JARID2: variants seen among roughly 807,000 people sequenced by gnomAD.
JARID2 encodes the protein jumonji and AT-rich interaction domain containing 2.
In JARID2, 21 loss-of-function variants were observed where a neutral mutation model predicts 125.6. That is an observed-to-expected ratio of 0.17 (90% CI 0.12 to 0.24). JARID2 has a LOEUF of 0.24. Among genes scored for constraint, JARID2 ranks in the 10% least tolerant of loss-of-function variants. The pLI, the probability that JARID2 is intolerant of heterozygous loss-of-function variation, is 1.00. For synonymous variants in JARID2, 736 were observed against 661.6 expected (o/e 1.11, Z -1.73); for missense variants, 1,303 against 1,639.6 (o/e 0.79, Z 3.55).
chr6:15,500,857 T>A, intron 7 of JARID2, 50 bp from the exon 8 acceptor site: 1 of 1,502,502 alleles, frequency 6.7e-7, no homozygotes, highest in African/African-American at 1.4e-5. Flanking sequence ...AACATCTTGT[T>A]CGTGTCTCTT....
chr6:15,386,375 CTTG>C (rs1016232533), intron 2 of JARID2, among the ~76,000 whole-genome samples: 2 of 151,976 alleles, frequency 1.3e-5, no homozygotes, highest in East Asian at 1.9e-4. Flanking sequence ...TCCAGTATGT[CTTG>C]TTGTGACAAG....
In JARID2 at chr6:15,511,413, C is replaced by T. The variant is rs745773043; in HGVS notation, c.2952+12C>T. 3.8e-6 allele frequency: 6 copies of T among 1,575,816 alleles called. No individual in the cohort carries two copies. Among genetic ancestry groups the T allele is most frequent in the Non-Finnish European group, 5.2e-6 (6 of 1,147,128 alleles). On this transcript the variant is annotated intron_variant, in intron 13 of 17. Transcript: ENST00000341776. The stretch of plus-strand genomic sequence containing the variant: ...AAAGCAACGTCATGGTGCGTCCACT[C>T]AGCCACCGCCTCCAGCAGGAGCTGT...
chr6:15,288,705 A>G (rs1761093981), intron 1 of JARID2, among the ~76,000 whole-genome samples: 1 of 152,230 alleles, frequency 6.6e-6, no homozygotes, highest in Non-Finnish European at 1.5e-5. Context: ...TTCAGGCCTC[A>G]GCTTGATCCT....
At chr6:15,400,001 T>C (rs1379428681) in intron 2 of JARID2, among the ~76,000 whole-genome samples, 1 of 152,240 alleles carries the variant, frequency 6.6e-6, no homozygotes, top group South Asian at 2.1e-4. Context: ...AAAGGAGATG[T>C]GTACTCCAGT....
rs1327374697 is a variant in JARID2 at position 15,496,792 on chromosome 6, G to A, written c.1567G>A (p.Glu523Lys). ...TGGCAAGGCGGACAGCGCCTCCTGT[G>A]AAAATCGTTCTACCTCGCAACCGGA... ...AHGKADSASC[E>K]NRSTSQPESV... The change falls in exon 7 of 18, where the codon GAA becomes AAA. Residue 523 changes from glutamate to lysine, a missense_variant. Around this residue, in one of 11 missense-constraint regions of JARID2, gnomAD observed 651 missense variants for 581.6 expected, o/e 1.12. Transcript: ENST00000341776. The A allele has an allele frequency of 1.2e-6, 2 of 1,611,086 alleles. No homozygotes were observed. The highest frequency in any genetic ancestry group is 1.7e-6 in the Non-Finnish European group (2 of 1,178,552).
In JARID2 at chr6:15,520,892, C is replaced by T; in HGVS notation, c.*641C>T. On this transcript the variant is annotated 3_prime_UTR_variant, in exon 18 of 18. Transcript: ENST00000341776. ...GCGAGTGGGCTCTCCACCAGCACAT[C>T]ACTATGCATCTGTTCCAGGAAAGAA... The T allele has an allele frequency of 2.2e-6, 1 of 453,156 alleles. No individual in the cohort carries two copies. The highest frequency in any genetic ancestry group is 4.4e-6 in the Non-Finnish European group (1 of 224,962). 28.1% of individuals were successfully genotyped at this position (453,156 alleles called of 1,614,324 possible). A position where few individuals can be genotyped will look rare whatever the true frequency, so the allele number is the denominator to read the frequency against.
rs541468003 is a variant in JARID2, at chr6:15,374,591, G to A, written c.181+339G>A. ...TGTGGAGTCTTTAGTTCTTGTCCCCGGGTTGTATAGGAAATAGCCTAAATC... is the reference window on the plus strand; with the variant it reads ...TGTGGAGTCTTTAGTTCTTGTCCCCAGGTTGTATAGGAAATAGCCTAAATC... On this transcript the variant is annotated intron_variant, in intron 2 of 17. Transcript: ENST00000341776. Among the ~76,000 whole-genome samples the A allele has an allele frequency of 2.6e-5, 4 of 152,248 alleles. No homozygotes were observed. The East Asian group carries it at 5.8e-4, about 22-fold the overall frequency.
chr6:15,351,524 C>T (rs1763427899), intron 1 of JARID2, among the ~76,000 whole-genome samples: 1 of 152,170 alleles, frequency 6.6e-6, no homozygotes, highest in Admixed American at 6.6e-5. Context: ...GTCCCACTTT[C>T]CTCATGTAAA....
intron 5 of JARID2, among the ~76,000 whole-genome samples, chr6:15,484,165 G>A (rs73724417): frequency 4.6e-5 from 7 of 150,608 alleles, no homozygotes; most frequent in African/African-American, 1.5e-4. Flanking sequence ...CTGACCATAC[G>A]TCGCTAGTGG....
intron 1 of JARID2, 117 bp downstream of exon 1, chr6:15,246,701 G>A: frequency 2.1e-6 from 2 of 933,502 alleles, no homozygotes; most frequent in South Asian, 3.0e-5. Context: ...CGATAAGGCT[G>A]TTTCTTTTTT....
chr6:15,310,949 G>T (rs879011949), intron 1 of JARID2, among the ~76,000 whole-genome samples: 2 of 152,134 alleles, frequency 1.3e-5, no homozygotes, highest in African/African-American at 4.8e-5. Context: ...TCTCACGGCT[G>T]CCTGCCCAGT....
chr6:15,276,428 CAT>C (rs890633688), intron 1 of JARID2, among the ~76,000 whole-genome samples: 3 of 152,180 alleles, frequency 2.0e-5, no homozygotes, highest in African/African-American at 7.2e-5. Flanking sequence ...ATAACTGTCT[CAT>C]ATGATTTGGC....
At chr6:15,292,163 CCCGCCACCTCG>C (rs1761242487) in intron 1 of JARID2, among the ~76,000 whole-genome samples, 1 of 151,892 alleles carries the variant, frequency 6.6e-6, no homozygotes, top group African/African-American at 2.4e-5. Context: ...ACCACAGACG[CCCGCCACCTCG>C]CCCGGCTAAT....
rs559366075 is a variant in JARID2 at position 15,428,176 on chromosome 6, T to G, written c.323+17811T>G. On this transcript the variant is annotated intron_variant, in intron 3 of 17. Coordinates refer to ENST00000341776, the MANE Select transcript of JARID2 (RefSeq NM_004973.4). ...GGGTTTTTATGGTAAGTGGGTTTTTTTCTACACAATAAGGTAAATATCATG... is the reference window on the plus strand; with the variant it reads ...GGGTTTTTATGGTAAGTGGGTTTTTGTCTACACAATAAGGTAAATATCATG... 2.0e-5 allele frequency among the ~76,000 whole-genome samples: 3 copies of G among 152,312 alleles called. No individual in the cohort carries two copies. The South Asian group carries it at 6.2e-4, about 32-fold the overall frequency.
In JARID2 at chr6:15,283,270, G is replaced by A. The variant is rs568063408; in HGVS notation, c.45+36686G>A. The stretch of plus-strand genomic sequence containing the variant: ...TGGGATTACAGGTGTGAGCCACTGC[G>A]CCCGGCCGTTCTGGTATTTATTGAA... On this transcript the variant is annotated intron_variant, in intron 1 of 17. Transcript: ENST00000341776. Among the ~76,000 whole-genome samples, 20 of 149,606 alleles carry A rather than the reference G, an allele frequency of 1.3e-4. 1 individual carries two copies. Among genetic ancestry groups the A allele is most frequent in the South Asian group, 4.2e-4 (2 of 4,752 alleles).
At chr6:15,375,096 G>A (rs1764302128) in intron 2 of JARID2, among the ~76,000 whole-genome samples, 1 of 152,120 alleles carries the variant, frequency 6.6e-6, no homozygotes, top group Non-Finnish European at 1.5e-5. Context: ...GTTTGTTAGG[G>A]TGCCAAAGGA....
At chr6:15,407,208 T>C (rs1019584273) in intron 2 of JARID2, among the ~76,000 whole-genome samples, 1 of 152,052 alleles carries the variant, frequency 6.6e-6, no homozygotes, top group African/African-American at 2.4e-5. Flanking sequence ...GCTGAGGCTG[T>C]TGTGAGCATG....
intron 3 of JARID2, among the ~76,000 whole-genome samples, chr6:15,414,276 T>G (rs73365205): frequency 6.6e-6 from 1 of 152,174 alleles, no homozygotes; most frequent in African/African-American, 2.4e-5. Context: ...TACATTTTTC[T>G]GATGATGCTA....
At chr6:15,395,095 T>C (rs1038143054) in intron 2 of JARID2, among the ~76,000 whole-genome samples, 1 of 152,156 alleles carries the variant, frequency 6.6e-6, no homozygotes, top group African/African-American at 2.4e-5. Context: ...GCTTCTGTTA[T>C]TGGTTTGTTA....
Sources: allele counts gnomAD v4.1 joint callset (sites outside exome capture counted in the v4.1 genomes callset), GRCh38; gene constraint gnomAD v4.1.1; regional missense constraint gnomAD v4.1.1; transcripts MANE v1.5; gene names NCBI Gene and HGNC (gene_info 2026-07-23, HGNC 2026-07-21).